The following RYR2 variants were observed in gnomAD, a reference collection of about 807,000 sequenced individuals.
RYR2 encodes the protein cardiac muscle ryanodine receptor-calcium release channel.
In RYR2, 227 loss-of-function variants were observed where a neutral mutation model predicts 601.1. That is an observed-to-expected ratio of 0.38 (90% CI 0.34 to 0.42). The LOEUF (loss-of-function observed/expected upper bound fraction) is 0.42, where lower values mean the gene tolerates loss of function less well. Among genes scored for constraint, RYR2 ranks in the 10% least tolerant of loss-of-function variants. RYR2 has a pLI of 1.00. For missense variants in RYR2, 4,646 were observed against 6,156.5 expected (o/e 0.75, Z 8.21); for synonymous variants, 2,223 against 2,175.1 (o/e 1.02, Z -0.61).
intron 1 of RYR2, among the ~76,000 whole-genome samples, chr1:237,170,402 G>C (rs1473784034): frequency 2.6e-5 from 4 of 152,204 alleles, no homozygotes; most frequent in African/African-American, 9.7e-5. Flanking sequence ...GGGAGAGGAG[G>C]CGGGTTCGGA....
At chr1:237,527,781 A>T (rs866325902) in intron 24 of RYR2, among the ~76,000 whole-genome samples, 1 of 141,744 alleles carries the variant, frequency 7.1e-6, no homozygotes, top group Admixed American at 7.5e-5. Flanking sequence ...CTTTTCTCCT[A>T]TCAGACTGTA....
chr1:237,190,829 T>C (rs1243544735), intron 1 of RYR2, among the ~76,000 whole-genome samples: 2 of 152,200 alleles, frequency 1.3e-5, no homozygotes, highest in Non-Finnish European at 2.9e-5. Context: ...GGGATGACTA[T>C]ATAAGATTTG....
intron 54 of RYR2, among the ~76,000 whole-genome samples, chr1:237,659,355 G>A (rs1683553388): frequency 6.6e-6 from 1 of 152,122 alleles, no homozygotes; most frequent in African/African-American, 2.4e-5. Flanking sequence ...ATTACAGGAA[G>A]GTTTTCCAGT....
At chr1:237,355,306 C>T (rs972201125) in intron 3 of RYR2, among the ~76,000 whole-genome samples, 1 of 152,102 alleles carries the variant, frequency 6.6e-6, no homozygotes, top group African/African-American at 2.4e-5. Flanking sequence ...GTTGTAGAGA[C>T]AGTCTTTGTT....
At chr1:237,148,527 A>ATATATATATATATATATATATACACAC in intron 1 of RYR2, among the ~76,000 whole-genome samples, 1 of 83,920 alleles carries the variant, frequency 1.2e-5, no homozygotes, top group African/African-American at 4.3e-5. Flanking sequence ...AAAAAAAAAA[A>ATATATATATATATATATATATACACAC]ATATATATAT....
At chr1:237,554,517 T>G (rs1670699403) in intron 27 of RYR2, among the ~76,000 whole-genome samples, 1 of 151,972 alleles carries the variant, frequency 6.6e-6, no homozygotes, top group Non-Finnish European at 1.5e-5. Flanking sequence ...AGTAGGAAAT[T>G]TTCTCTTCTG....
chr1:237,091,591 A>C lies in RYR2; in HGVS notation c.48+49022A>C, dbSNP rs1326610016. 2.0e-5 allele frequency among the ~76,000 whole-genome samples: 3 copies of C among 151,824 alleles called. No individual in the cohort carries two copies. The East Asian group carries it at 5.8e-4, about 29-fold the overall frequency. On this transcript the variant is annotated intron_variant, in intron 1 of 104. Coordinates refer to ENST00000366574, the MANE Select transcript of RYR2 (RefSeq NM_001035.3). ...AGGTGTGCGGTGCCACACCTGGCTA[A>C]TTTTTGTATTTTTAGTAGAGACGGG...
At chr1:237,738,627 T>A (rs906693927) in intron 79 of RYR2, among the ~76,000 whole-genome samples, 7 of 152,166 alleles carry the variant, frequency 4.6e-5, no homozygotes, top group African/African-American at 1.7e-4. Context: ...GGGCTCTACT[T>A]ATTGAATTAA....
chr1:237,452,342 ATAAT>A (rs1039092492), intron 14 of RYR2, among the ~76,000 whole-genome samples: 5 of 146,622 alleles, frequency 3.4e-5, no homozygotes, highest in Admixed American at 2.1e-4. Context: ...ACATAATAGT[ATAAT>A]TAACAATTGT....
At chr1:237,541,610 G>A (rs1669266316) in intron 25 of RYR2, among the ~76,000 whole-genome samples, 1 of 152,162 alleles carries the variant, frequency 6.6e-6, no homozygotes, top group African/African-American at 2.4e-5. Flanking sequence ...CCACCAAACA[G>A]GCTTTGTGTG....
At chr1:237,313,101 A>AT (rs1270749683) in intron 2 of RYR2, among the ~76,000 whole-genome samples, 1 of 152,098 alleles carries the variant, frequency 6.6e-6, no homozygotes, top group Non-Finnish European at 1.5e-5. Flanking sequence ...AAATGTAGAC[A>AT]TTTTTTCTTA....
intron 1 of RYR2, among the ~76,000 whole-genome samples, chr1:237,179,141 C>G (rs1439580025): frequency 6.6e-6 from 1 of 152,114 alleles, no homozygotes; most frequent in Non-Finnish European, 1.5e-5. Context: ...CCTTGAGTAG[C>G]AAATTTTATC....
chr1:237,414,134 A>G (rs1704707611), intron 10 of RYR2, among the ~76,000 whole-genome samples: 1 of 152,186 alleles, frequency 6.6e-6, no homozygotes, highest in Non-Finnish European at 1.5e-5. Flanking sequence ...ATTAAAGGTC[A>G]AATGTATTTA....
At chr1:237,500,607 C>A in intron 20 of RYR2, 104 bp from the exon 21 acceptor site, 1 of 855,780 alleles carries the variant, frequency 1.2e-6, no homozygotes, top group Non-Finnish European at 1.8e-6. Context: ...TGATGTTGTG[C>A]ATTGGTTTGT....
intron 6 of RYR2, among the ~76,000 whole-genome samples, chr1:237,372,044 A>G (rs1700685660): frequency 6.6e-6 from 1 of 152,228 alleles, no homozygotes; most frequent in Non-Finnish European, 1.5e-5. Flanking sequence ...CCTAGAACTT[A>G]AAGTATAATA....
chr1:237,818,902 A>G, intron 100 of RYR2, 134 bp from the exon 101 acceptor site: 1 of 726,464 alleles, frequency 1.4e-6, no homozygotes, highest in Non-Finnish European at 2.2e-6. Context: ...TACTGAAACA[A>G]AAAGAGGCAA....
At chr1:237,072,205 G>A (rs189276232) in intron 1 of RYR2, among the ~76,000 whole-genome samples, 25 of 152,322 alleles carry the variant, frequency 1.6e-4, no homozygotes, top group Middle Eastern at 3.4e-3. Context: ...GGGGCATGCC[G>A]CCCCGGTTGT....
At chr1:237,606,220 A>G (rs1677105221) in intron 35 of RYR2, among the ~76,000 whole-genome samples, 2 of 152,174 alleles carry the variant, frequency 1.3e-5, no homozygotes. Flanking sequence ...CAAAACAGAG[A>G]TACAGACCAA....
At chr1:237,308,218 C>T (rs895613475) in intron 2 of RYR2, among the ~76,000 whole-genome samples, 5 of 152,112 alleles carry the variant, frequency 3.3e-5, no homozygotes, top group African/African-American at 9.7e-5. Flanking sequence ...ATAATAATAT[C>T]GATTCTTGCA....
Sources: gnomAD v4.1 joint callset for allele counts (sites outside exome capture counted in the v4.1 genomes callset) on GRCh38, gnomAD v4.1.1 for gene constraint, MANE v1.5 for transcripts, NCBI Gene and HGNC (gene_info 2026-07-23, HGNC 2026-07-21) for gene names.